Variants in ZNF208 observed in about 807,000 individuals in gnomAD.
ZNF208 encodes the protein zinc finger protein 95.
Under a neutral mutation model 12.1 loss-of-function variants are expected in ZNF208, and 10 were observed. The observed-to-expected ratio is 0.83, with a 90% CI of 0.51 to 1.40. ZNF208 has a LOEUF of 1.40. Among genes scored for constraint, ZNF208 ranks in the 40% most tolerant of loss-of-function variants. The pLI, the probability that ZNF208 is intolerant of heterozygous loss-of-function variation, is 0.00. For missense variants in ZNF208, 1,652 were observed against 1,485.0 expected (o/e 1.11, Z -1.85); for synonymous variants, 497 against 488.4 (o/e 1.02, Z -0.23).
intron 4 of ZNF208, among the ~76,000 whole-genome samples, chr19:21,943,697 G>C (rs1969777205): frequency 6.6e-6 from 1 of 152,014 alleles, no homozygotes; most frequent in Admixed American, 6.6e-5. Flanking sequence ...GAGATAGGAT[G>C]GTCATTTCTA....
At chr19:21,989,000 G>A (rs1475955882) in intron 1 of ZNF208, 91 bp from the exon 2 acceptor site, 2 of 1,511,716 alleles carry the variant, frequency 1.3e-6, no homozygotes, top group African/African-American at 1.4e-5. Context: ...AAAGAGAGCT[G>A]GTTCTGACTT....
chr19:22,010,644 T>C, intron 1 of ZNF208, 148 bp downstream of exon 1: 1 of 1,238,514 alleles, frequency 8.1e-7, no homozygotes, highest in African/African-American at 1.5e-5. Context: ...ATCTTATGGC[T>C]GAACCGGACT....
intron 1 of ZNF208, among the ~76,000 whole-genome samples, chr19:22,004,578 A>AAAC (rs995356323): frequency 1.3e-5 from 2 of 152,188 alleles, no homozygotes; most frequent in Non-Finnish European, 1.5e-5. Context: ...GAGTGGCCAT[A>AAAC]AACAACAACA....
Position 21,972,818 on chromosome 19 carries a change from T to C in ZNF208, c.2216A>G (p.His739Arg), listed in dbSNP as rs1302866085. 3.7e-6 allele frequency: 6 copies of C among 1,612,428 alleles called. No individual in the cohort carries two copies. The highest frequency in any genetic ancestry group is 1.7e-5 in the Admixed American group (1 of 59,920). ...SFSTFSVLTK[H>R]KVIHTGEKPY... ...TTTCTCTCCAGTATGAATTACCTTA[T>C]GTTTAGTAAGGACTGAGAATGTACT... The change falls in exon 4 of 4, where the codon CAT (histidine) becomes CGT (arginine). Residue 739 changes from histidine (H) to arginine (R), a missense_variant. Physicochemically the swap from His to Arg is conservative, Grantham distance 29. Coordinates refer to ENST00000397126, the MANE Select transcript of ZNF208 (RefSeq NM_007153.3).
chr19:22,003,667 A>G lies in ZNF208; in HGVS notation c.3+7125T>C, dbSNP rs1970994767. ...TGAGAATGGCCATTATTATAATTCA[A>G]CCATTGTGAAAAGCAGTGTGGTGAT... On this transcript the variant is annotated intron_variant, in intron 1 of 3. Coordinates refer to ENST00000397126, the MANE Select transcript of ZNF208 (RefSeq NM_007153.3). Among the ~76,000 whole-genome samples the G allele has an allele frequency of 2.0e-5, 3 of 152,234 alleles. 1 individual carries two copies. In the South Asian group the frequency reaches 6.2e-4, roughly 32 times the overall value.
At chr19:21,964,422 A>G (rs188895955), downstream of ZNF208, among the ~76,000 whole-genome samples, 972 of 151,908 alleles carry the variant, frequency 6.4e-3, 6 homozygotes, top group African/African-American at 0.022. Flanking sequence ...AAATTTTTAA[A>G]TAAATGATTT....
intron 4 of ZNF208, among the ~76,000 whole-genome samples, chr19:21,951,657 A>G (rs1162560062): frequency 3.3e-5 from 5 of 152,244 alleles, no homozygotes; most frequent in Non-Finnish European, 5.9e-5. Context: ...ATTATAAAAG[A>G]TTTGTAAAAA....
At position 21,987,255 on chromosome 19, in the gene ZNF208, A is replaced by G. The variant is rs758384640; in HGVS notation, c.187T>C (p.Trp63Arg). ...ACCATCTCATGTCTCTTCATATTCC[A>G]GGACTCTTTTCCTTCCTCCAGAAAA... is the stretch of plus-strand genomic sequence containing the variant. ...IIFLEEGKESWNMKRHEMVEE... is the reference protein window; with the variant it reads ...IIFLEEGKESRNMKRHEMVEE... Residue 63 changes from tryptophan to arginine, a missense_variant, in exon 3 of 4, where the codon TGG becomes CGG. Physicochemically the swap from Trp to Arg is moderately radical, Grantham distance 101. This residue lies in a region of ZNF208 where 410 missense variants were observed against 378.2 expected (regional missense o/e 1.08). Coordinates refer to ENST00000397126, the MANE Select transcript of ZNF208 (RefSeq NM_007153.3). 26 of 1,612,840 alleles carry G rather than the reference A, an allele frequency of 1.6e-5. No homozygotes were observed. The highest frequency in any genetic ancestry group is 1.7e-6 in the Non-Finnish European group (2 of 1,179,556).
rs193194028 is a variant in ZNF208, at chr19:21,999,877, T to C, written c.3+10915A>G. Among the ~76,000 whole-genome samples, 388 of 152,352 alleles carry C rather than the reference T, an allele frequency of 2.5e-3. 2 individuals carry two copies. Among genetic ancestry groups the C allele is most frequent in the Non-Finnish European group, 4.2e-3 (283 of 68,032 alleles). On this transcript the variant is annotated intron_variant, in intron 1 of 3. Coordinates refer to ENST00000397126, the MANE Select transcript of ZNF208 (RefSeq NM_007153.3). The stretch of plus-strand genomic sequence containing the variant: ...AGTTATCCTCCCTTATTTTCACATA[T>C]GAGAATAAAGCTTCTTATTTCTAAT...
Position 21,974,023 on chromosome 19 carries a change from TCC to T in ZNF208, c.1009_1010del (p.Gly337ArgfsTer7). 5.8e-6 allele frequency: 8 copies of T among 1,375,404 alleles called. No individual in the cohort carries two copies. The highest frequency in any genetic ancestry group is 3.1e-5 in the South Asian group (2 of 63,974). 85.2% of individuals were successfully genotyped at this position (1,375,404 alleles called of 1,614,324 possible). On this transcript the variant is annotated frameshift_variant, in exon 4 of 4. Transcript: ENST00000397126. LOFTEE classifies it low-confidence loss of function (END_TRUNC). ...TLITHKAIHAGEKPYKCKECG... is the reference protein window; with the variant it reads ...TLITHKAIHAXEKPYKCKECG... ...ATTCTTTACATTTGTAGGGCTTCTC[TCC>T]AGCATGAATTGCCTTATGTGTAATA... is the stretch of plus-strand genomic sequence containing the variant.
chr19:22,009,967 C>T (rs1291167829), intron 1 of ZNF208, among the ~76,000 whole-genome samples: 4 of 152,066 alleles, frequency 2.6e-5, no homozygotes, highest in African/African-American at 9.7e-5. Context: ...GGGCGGATCA[C>T]GAGGTCAGGA....
chr19:21,945,720 C>T (rs1233142909), intron 4 of ZNF208, among the ~76,000 whole-genome samples: 1 of 151,980 alleles, frequency 6.6e-6, no homozygotes, highest in South Asian at 2.1e-4. Context: ...TTACTTTTGA[C>T]CAAATTTGGC....
rs758706934 is a variant in ZNF208 at position 21,973,694 on chromosome 19, T to C, written c.1340A>G (p.His447Arg). 1 of 1,571,926 alleles carries C rather than the reference T, an allele frequency of 6.4e-7. No individual in the cohort carries two copies. Among genetic ancestry groups the C allele is most frequent in the Non-Finnish European group, 8.7e-7 (1 of 1,145,006 alleles). Residue 447 changes from histidine (H) to arginine (R), a missense_variant, in exon 4 of 4, where the codon CAC (histidine) becomes CGC (arginine). Coordinates refer to ENST00000397126, the MANE Select transcript of ZNF208 (RefSeq NM_007153.3). The part of the protein sequence containing the change: ...SSNLMEHKKI[H>R]TGETPYKCEE... ...ACATTTGTAGGGTGTCTCTCCAGTG[T>C]GAATTTTCTTATGTTCCATAAGGTT...
intron 1 of ZNF208, among the ~76,000 whole-genome samples, chr19:21,996,589 C>G (rs537680604): frequency 1.3e-5 from 2 of 152,188 alleles, no homozygotes; most frequent in South Asian, 2.1e-4. Context: ...ATTCTCAAGA[C>G]TTAGATTTAG....
intron 3 of ZNF208, among the ~76,000 whole-genome samples, chr19:21,978,868 A>G (rs1241654272): frequency 6.6e-6 from 1 of 152,242 alleles, no homozygotes. Context: ...GAGAATAACC[A>G]GTTTAGAGAA....
At chr19:21,982,723 A>G (rs574295621) in intron 3 of ZNF208, among the ~76,000 whole-genome samples, 7 of 152,176 alleles carry the variant, frequency 4.6e-5, no homozygotes, top group Non-Finnish European at 8.8e-5. Flanking sequence ...ATCTACAACC[A>G]TCTGATCTTT....
intron 1 of ZNF208, among the ~76,000 whole-genome samples, chr19:22,006,832 C>T (rs190825640): frequency 6.6e-6 from 1 of 152,094 alleles, no homozygotes; most frequent in African/African-American, 2.4e-5. Context: ...AAGGTGCTTA[C>T]CTTTTGTACC....
At chr19:21,965,501 T>A (rs1302372887), downstream of ZNF208, among the ~76,000 whole-genome samples, 1 of 152,058 alleles carries the variant, frequency 6.6e-6, no homozygotes, top group African/African-American at 2.4e-5. Flanking sequence ...CATCTTTTGT[T>A]CAACTACAGA....
At chr19:21,978,728 C>G (rs924084816) in intron 3 of ZNF208, among the ~76,000 whole-genome samples, 1 of 152,038 alleles carries the variant, frequency 6.6e-6, no homozygotes, top group Non-Finnish European at 1.5e-5. Flanking sequence ...ATGAGTTTGA[C>G]GAATTGACAG....
Sources: allele counts gnomAD v4.1 joint callset (sites outside exome capture counted in the v4.1 genomes callset), GRCh38; gene constraint gnomAD v4.1.1; regional missense constraint gnomAD v4.1.1; transcripts MANE v1.5; gene names NCBI Gene and HGNC (gene_info 2026-07-23, HGNC 2026-07-21).